RERE: variants seen among roughly 807,000 people sequenced by gnomAD.
The protein encoded by RERE is arginine-glutamic acid dipeptide repeats protein.
A neutral mutation model predicts 146.1 loss-of-function variants in RERE; 40 were observed. The ratio of observed to expected loss-of-function variants is 0.27; its 90% confidence interval spans 0.21 to 0.36. RERE has a LOEUF of 0.36. RERE is among the 10% of genes least tolerant of loss of function. RERE has a pLI of 1.00. For missense variants in RERE, 1,933 were observed against 2,138.7 expected (o/e 0.90, Z 1.90); for synonymous variants, 1,003 against 866.0 (o/e 1.16, Z -2.78).
intron 2 of RERE, among the ~76,000 whole-genome samples, chr1:8,633,387 C>T (rs1219358162): frequency 6.8e-6 from 1 of 147,570 alleles, no homozygotes; most frequent in African/African-American, 2.7e-5. Context: ...AGCACCACTG[C>T]GTGCCAGCCT....
At chr1:8,588,394 A>G (rs1646453321) in intron 4 of RERE, among the ~76,000 whole-genome samples, 1 of 152,164 alleles carries the variant, frequency 6.6e-6, no homozygotes, top group Non-Finnish European at 1.5e-5. Context: ...GGGCTGGAGA[A>G]GTCCCAAGGC....
rs897008115 is a variant in RERE, at chr1:8,423,021, C to A, written c.1204-214G>T. 1.7e-5 allele frequency: 9 copies of A among 530,258 alleles called. No homozygotes were observed. The highest frequency in any genetic ancestry group is 1.5e-4 in the African/African-American group (8 of 52,728). 32.8% of individuals were successfully genotyped at this position (530,258 alleles called of 1,614,324 possible). A position where few individuals can be genotyped will look rare whatever the true frequency, so the allele number is the denominator to read the frequency against. ...TTCATCAGAACCCCAATCCCACCCA[C>A]CACGCAGGGCAGCGCGTTTAAGAGA... On this transcript the variant is annotated intron_variant, in intron 11 of 22. Coordinates refer to ENST00000400908, the MANE Select transcript of RERE (RefSeq NM_001042681.2). This position sits in a 1 kb window ranked among gnomAD's most constrained non-coding sequence, Gnocchi z 5.4.
chr1:8,778,294 A>T (rs1386310575), intron 1 of RERE, among the ~76,000 whole-genome samples: 1 of 152,232 alleles, frequency 6.6e-6, no homozygotes, highest in Non-Finnish European at 1.5e-5. Context: ...ACAATAAATT[A>T]CCTGAAAATT....
intron 1 of RERE, among the ~76,000 whole-genome samples, chr1:8,766,410 C>T (rs575834627): frequency 5.8e-4 from 88 of 151,912 alleles, no homozygotes; most frequent in Non-Finnish European, 1.0e-3. Flanking sequence ...TGTAGTGGCA[C>T]GCACCTATAA....
At chr1:8,407,204 C>T (rs142003247) in intron 12 of RERE, among the ~76,000 whole-genome samples, 24 of 152,252 alleles carry the variant, frequency 1.6e-4, no homozygotes, top group African/African-American at 5.5e-4. Flanking sequence ...CTGGTCATTA[C>T]GGAATTCTCT....
rs200134585 is a variant in RERE, at chr1:8,575,648, G to A, written c.523-18125C>T. 4.0e-5 allele frequency among the ~76,000 whole-genome samples: 6 copies of A among 149,392 alleles called. No individual in the cohort carries two copies. The East Asian group carries it at 1.2e-3, about 29-fold the overall frequency. On this transcript the variant is annotated intron_variant, in intron 4 of 22. Coordinates refer to ENST00000400908, the MANE Select transcript of RERE (RefSeq NM_001042681.2). Reference sequence around the variant, plus strand: ...TGGCTCAAGCAATCCCCCAACCTCGGCCTCCAAAAGTGCTGGGATTAGACT... The same window carrying A: ...TGGCTCAAGCAATCCCCCAACCTCGACCTCCAAAAGTGCTGGGATTAGACT...
chr1:8,801,733 C>T (rs902771215), intron 1 of RERE, among the ~76,000 whole-genome samples: 1 of 152,132 alleles, frequency 6.6e-6, no homozygotes, highest in African/African-American at 2.4e-5. Context: ...AATTTATTTA[C>T]AGCTTTCAAA....
chr1:8,540,753 GAT>G (rs1645790637), intron 7 of RERE, among the ~76,000 whole-genome samples: 1 of 152,142 alleles, frequency 6.6e-6, no homozygotes, highest in South Asian at 2.1e-4. Flanking sequence ...TCTTACTAAA[GAT>G]ATTTCAGTGT....
chr1:8,686,142 TG>T (rs199823912), intron 1 of RERE, among the ~76,000 whole-genome samples: 2,661 of 152,166 alleles, frequency 0.017, 62 homozygotes, highest in African/African-American at 0.059. Context: ...TCACCATGCC[TG>T]GCTAATTTAT....
intron 1 of RERE, chr1:8,786,262 C>T (rs964797721): frequency 1.0e-5 from 10 of 995,812 alleles, no homozygotes; most frequent in South Asian, 1.3e-5. Flanking sequence ...CCACCTTCTA[C>T]AAAATGGGTG....
intron 4 of RERE, among the ~76,000 whole-genome samples, chr1:8,569,811 G>T (rs545881827): frequency 6.6e-6 from 1 of 150,830 alleles, no homozygotes; most frequent in South Asian, 2.1e-4. Context: ...AGGATCTCCT[G>T]AGCCCAACAG....
At chr1:8,709,075 G>A (rs941502597) in intron 1 of RERE, among the ~76,000 whole-genome samples, 1 of 151,290 alleles carries the variant, frequency 6.6e-6, no homozygotes, top group African/African-American at 2.4e-5. Context: ...ACCACACCCA[G>A]CTAATTTATT....
At chr1:8,812,943 T>TAA (rs898887859) in intron 1 of RERE, among the ~76,000 whole-genome samples, 1 of 149,582 alleles carries the variant, frequency 6.7e-6, no homozygotes, top group Non-Finnish European at 1.5e-5. Context: ...CTCCATTATT[T>TAA]AAAAAAAAAA....
intron 13 of RERE, 27 bp downstream of exon 13, chr1:8,365,785 C>T (rs758319420): frequency 3.1e-6 from 5 of 1,611,856 alleles, no homozygotes; most frequent in East Asian, 2.2e-5. Flanking sequence ...CCCCTCCGCC[C>T]ACTGTGATGC....
intron 1 of RERE, among the ~76,000 whole-genome samples, chr1:8,707,606 C>CA (rs1270218060): frequency 6.6e-6 from 1 of 152,180 alleles, no homozygotes; most frequent in African/African-American, 2.4e-5. Flanking sequence ...TTCTAACTAT[C>CA]AAGTTACCTG....
In RERE at chr1:8,672,771, C is replaced by G. The variant is rs945023150; in HGVS notation, c.-144-16330G>C. Reference sequence around the variant, plus strand: ...CAATATGTCAATCTTATTGTAACTTCACACTTTACAGTGTCTCCATGCAGC... The same window carrying G: ...CAATATGTCAATCTTATTGTAACTTGACACTTTACAGTGTCTCCATGCAGC... On this transcript the variant is annotated intron_variant, in intron 1 of 22. Coordinates refer to ENST00000400908, the MANE Select transcript of RERE (RefSeq NM_001042681.2). Among the ~76,000 whole-genome samples, 7 of 152,170 alleles carry G rather than the reference C, an allele frequency of 4.6e-5. No homozygotes were observed. In the East Asian group the frequency reaches 9.6e-4, roughly 21 times the overall value.
In RERE at chr1:8,663,439, A is replaced by G. The variant is rs112715960; in HGVS notation, c.-144-6998T>C. 9.9e-3 allele frequency among the ~76,000 whole-genome samples: 1,506 copies of G among 152,280 alleles called. 26 individuals carry two copies. The highest frequency in any genetic ancestry group is 0.035 in the African/African-American group (1,448 of 41,552). ...GCTTAGCACTTAGTCTACCAGACACATCCTGAACACCTCTGTAATGGACCC... is the reference window on the plus strand; with the variant it reads ...GCTTAGCACTTAGTCTACCAGACACGTCCTGAACACCTCTGTAATGGACCC... On this transcript the variant is annotated intron_variant, in intron 1 of 22. Coordinates refer to ENST00000400908, the MANE Select transcript of RERE (RefSeq NM_001042681.2).
intron 12 of RERE, among the ~76,000 whole-genome samples, chr1:8,375,498 AAGCCACTGAAAATGCTTCCTCACTCAGC>A (rs1557597231): frequency 1.6e-4 from 25 of 151,904 alleles, no homozygotes; most frequent in Admixed American, 3.3e-4. Flanking sequence ...GTGGCTTAGG[AAGCCACTGAAAATGCTTCCTCACTCAGC>A]AGCCACTGAA....
rs182369092 is a variant in RERE, at chr1:8,709,260, C to A, written c.-144-52819G>T. On this transcript the variant is annotated intron_variant, in intron 1 of 22. Coordinates refer to ENST00000400908, the MANE Select transcript of RERE (RefSeq NM_001042681.2). ...AAAGAAAAAAGAAAAATATAAAATT[C>A]TTGAAGCTCTTTTAGATTTTTTAAT... Among the ~76,000 whole-genome samples the A allele has an allele frequency of 3.3e-5, 5 of 150,830 alleles. No individual in the cohort carries two copies. In the East Asian group the frequency reaches 9.7e-4, roughly 29 times the overall value.
Sources: gnomAD v4.1 joint callset for allele counts (sites outside exome capture counted in the v4.1 genomes callset) on GRCh38, gnomAD v4.1.1 for gene constraint, Gnocchi (gnomAD v3.1) non-coding constraint, MANE v1.5 for transcripts, NCBI Gene and HGNC (gene_info 2026-07-23, HGNC 2026-07-21) for gene names.